ATP2C2: variants seen among roughly 807,000 people sequenced by gnomAD.
ATP2C2 encodes ATPase secretory pathway Ca2+ transporting 2.
In ATP2C2, 171 loss-of-function variants were observed where a neutral mutation model predicts 110.8. That is an observed-to-expected ratio of 1.54 (90% CI 1.36 to 1.75). The LOEUF is 1.75. Among genes scored for constraint, ATP2C2 ranks in the 40% most tolerant of loss-of-function variants. ATP2C2 has a pLI of 0.00. For synonymous variants in ATP2C2, 804 were observed against 508.4 expected (o/e 1.58, Z -7.82); for missense variants, 1,963 against 1,235.0 (o/e 1.59, Z -8.84).
intron 15 of ATP2C2, among the ~76,000 whole-genome samples, chr16:84,442,900 A>C (rs769386512): frequency 1.3e-5 from 2 of 152,110 alleles, no homozygotes; most frequent in Non-Finnish European, 2.9e-5. Flanking sequence ...CAGTGGAACG[A>C]GACTCCCTAT....
chr16:84,440,996 A>G (rs779486871), intron 14 of ATP2C2, 38 bp downstream of exon 14: 10 of 1,507,790 alleles, frequency 6.6e-6, no homozygotes, highest in Non-Finnish European at 8.2e-6. Context: ...ATAGGCATTT[A>G]CATTGAGGCT....
intron 1 of ATP2C2, among the ~76,000 whole-genome samples, chr16:84,371,074 T>G (rs1033409890): frequency 1.3e-5 from 2 of 152,112 alleles, no homozygotes; most frequent in Non-Finnish European, 2.9e-5. Flanking sequence ...AACTGGGAGA[T>G]GCTTTATTTG....
chr16:84,405,532 C>A (rs1044402443), intron 3 of ATP2C2, among the ~76,000 whole-genome samples: 1 of 152,200 alleles, frequency 6.6e-6, no homozygotes, highest in Non-Finnish European at 1.5e-5. Flanking sequence ...CTCCTAATCC[C>A]GCCTTTGCAC....
chr16:84,390,604 TGAGTCGTTCCG>T (rs568407288), intron 1 of ATP2C2, among the ~76,000 whole-genome samples: 132 of 152,166 alleles, frequency 8.7e-4, no homozygotes, highest in African/African-American at 3.0e-3. Context: ...AGGAAGCAGA[TGAGTCGTTCCG>T]GAGGCTGGAA....
chr16:84,400,326 T>TTAG (rs1567696433), intron 2 of ATP2C2, among the ~76,000 whole-genome samples: 2 of 137,000 alleles, frequency 1.5e-5, no homozygotes, highest in Non-Finnish European at 3.0e-5. Context: ...TTTTTAGTTT[T>TTAG]TTGTTGTTTT....
In ATP2C2 at chr16:84,451,866, A is replaced by T. The variant is rs1329245246; in HGVS notation, c.1661-55A>T. The T allele has an allele frequency of 2.0e-6, 3 of 1,533,628 alleles. No individual in the cohort carries two copies. The East Asian group carries it at 6.8e-5, about 35-fold the overall frequency. On this transcript the variant is annotated intron_variant, in intron 17 of 26. Coordinates refer to ENST00000262429, the MANE Select transcript of ATP2C2 (RefSeq NM_014861.4). Reference sequence around the variant, plus strand: ...AACAACAACAACAACCAACAACAAAAAACGACGGCCCCTAAGCCCCCGGTG... The same window carrying T: ...AACAACAACAACAACCAACAACAAATAACGACGGCCCCTAAGCCCCCGGTG...
chr16:84,441,308 A>G (rs1049201001), intron 14 of ATP2C2, among the ~76,000 whole-genome samples: 1 of 152,150 alleles, frequency 6.6e-6, no homozygotes, highest in Non-Finnish European at 1.5e-5. Flanking sequence ...GAAGAGCTAG[A>G]AGCCTCTGTA....
At chr16:84,461,509 G>A (rs1911334248) in intron 24 of ATP2C2, 1 of 623,222 alleles carries the variant, frequency 1.6e-6, no homozygotes, top group South Asian at 1.9e-5. Context: ...CATCCTCATG[G>A]TGGCAGCAAA....
chr16:84,378,797 C>G (rs1344893038), intron 1 of ATP2C2, among the ~76,000 whole-genome samples: 1 of 152,288 alleles, frequency 6.6e-6, no homozygotes, highest in African/African-American at 2.4e-5. Context: ...AGAGATTGAG[C>G]AAAGTGCAGG....
At chr16:84,427,642 G>A (rs747971018) in intron 11 of ATP2C2, among the ~76,000 whole-genome samples, 27 of 152,116 alleles carry the variant, frequency 1.8e-4, no homozygotes, top group Non-Finnish European at 2.8e-4. Flanking sequence ...GCTTGAGCCC[G>A]GGAGGTGGAG....
At chr16:84,393,012 C>A (rs1024247231) in intron 1 of ATP2C2, among the ~76,000 whole-genome samples, 8 of 152,124 alleles carry the variant, frequency 5.3e-5, no homozygotes, top group African/African-American at 1.9e-4. Context: ...GAGTTTGTTT[C>A]CAGTTTTTGA....
chr16:84,460,277 T>G (rs1911158311), intron 23 of ATP2C2: 1 of 302,770 alleles, frequency 3.3e-6, no homozygotes. Flanking sequence ...GGCTGGAGGC[T>G]GGTCTCTCTC....
At chr16:84,458,756 G>C (rs1246165738) in intron 21 of ATP2C2, among the ~76,000 whole-genome samples, 1 of 152,138 alleles carries the variant, frequency 6.6e-6, no homozygotes, top group African/African-American at 2.4e-5. Flanking sequence ...GTTTTGCTGC[G>C]TCTCTCTCTC....
intron 4 of ATP2C2, among the ~76,000 whole-genome samples, chr16:84,409,145 T>G (rs1906047259): frequency 6.6e-6 from 1 of 152,184 alleles, no homozygotes; most frequent in Non-Finnish European, 1.5e-5. Flanking sequence ...TCATGTCCTT[T>G]GCAGGGACAT....
At chr16:84,387,120 A>C (rs1841965929) in intron 1 of ATP2C2, among the ~76,000 whole-genome samples, 1 of 141,508 alleles carries the variant, frequency 7.1e-6, no homozygotes, top group African/African-American at 2.6e-5. Context: ...CGCTCTGAGA[A>C]CCTGAGACTG....
Position 84,448,023 on chromosome 16 carries a change from G to A in ATP2C2, c.1504-510G>A, listed in dbSNP as rs1195106334. Among the ~76,000 whole-genome samples the A allele has an allele frequency of 2.6e-5, 4 of 152,082 alleles. No homozygotes were observed. The East Asian group carries it at 7.7e-4, about 29-fold the overall frequency. On this transcript the variant is annotated intron_variant, in intron 16 of 26. Coordinates refer to ENST00000262429, the MANE Select transcript of ATP2C2 (RefSeq NM_014861.4). ...CACTGACCCAGGGCCTCCCCCCGTG[G>A]AGTTCATAGTCTACATGTTTGTCAT...
chr16:84,398,559 C>G lies in ATP2C2; in HGVS notation c.160C>G (p.Pro54Ala), dbSNP rs369993188. The G allele has an allele frequency of 2.5e-6, 4 of 1,612,788 alleles. No homozygotes were observed. The African/African-American group carries it at 4.0e-5, about 16-fold the overall frequency. Residue 54 changes from proline to alanine, a missense_variant, in exon 2 of 27, where the codon CCC (proline) becomes GCC (alanine). Coordinates refer to ENST00000262429, the MANE Select transcript of ATP2C2 (RefSeq NM_014861.4). ...EKEKKVTALP[P>A]KEACKCQKED... ...AGAGAAGAAGGTGACAGCCCTGCCC[C>G]CCAAGGAAGCGTGCAAATGCCAGAA... is the stretch of plus-strand genomic sequence containing the variant.
At position 84,462,156 on chromosome 16, in the gene ATP2C2, G is replaced by A. The variant is rs373401052; in HGVS notation, c.2722+27G>A. On this transcript the variant is annotated intron_variant, in intron 26 of 26. Transcript: ENST00000262429. ...TGAGTGGTGGGGACGGGAACGACAG[G>A]TGACCTCGACCAGGGCCATGGGGGG... The A allele has an allele frequency of 8.5e-4, 1,365 of 1,600,514 alleles. 4 individuals are homozygous for A. The highest frequency in any genetic ancestry group is 1.1e-3 in the Non-Finnish European group (1,321 of 1,171,166).
At chr16:84,385,615 T>C (rs1904308652) in intron 1 of ATP2C2, among the ~76,000 whole-genome samples, 3 of 152,182 alleles carry the variant, frequency 2.0e-5, no homozygotes, top group Non-Finnish European at 2.9e-5. Context: ...GACTGAGTAA[T>C]TTACAAAGAA....
Sources: gnomAD v4.1 joint callset for allele counts (sites outside exome capture counted in the v4.1 genomes callset) on GRCh38, gnomAD v4.1.1 for gene constraint, MANE v1.5 for transcripts, NCBI Gene and HGNC (gene_info 2026-07-23, HGNC 2026-07-21) for gene names.